TASP1: variants seen among roughly 807,000 people sequenced by gnomAD.
The protein encoded by TASP1 is taspase 1.
A neutral mutation model predicts 56.6 loss-of-function variants in TASP1; 16 were observed. The ratio of observed to expected loss-of-function variants is 0.28; its 90% CI spans 0.19 to 0.43. The LOEUF (loss-of-function observed/expected upper bound fraction) is 0.43, where lower values mean the gene tolerates loss of function less well. Among genes scored for constraint, TASP1 ranks in the 20% least tolerant of loss-of-function variants. TASP1 has a pLI of 1.00. For missense variants in TASP1, 393 were observed against 511.6 expected, an observed-to-expected ratio of 0.77 and a Z score of 2.24; for synonymous variants, 179 against 184.2, an observed-to-expected ratio of 0.97 and a Z score of 0.23.
chr20:13,491,231 A>G (rs545393816), intron 10 of TASP1, among the ~76,000 whole-genome samples: 5 of 152,332 alleles, frequency 3.3e-5, no homozygotes, highest in Admixed American at 2.0e-4. Flanking sequence ...GGCAGGAAAC[A>G]TTTTAACTTG....
intron 10 of TASP1, among the ~76,000 whole-genome samples, chr20:13,496,711 T>A (rs1426216139): frequency 6.6e-6 from 1 of 152,154 alleles, no homozygotes; most frequent in Non-Finnish European, 1.5e-5. Flanking sequence ...CTAAATCCTC[T>A]AATATGTCTC....
intron 4 of TASP1, among the ~76,000 whole-genome samples, chr20:13,621,973 C>T (rs774183763): frequency 1.2e-4 from 19 of 152,114 alleles, no homozygotes; most frequent in Non-Finnish European, 2.2e-4. Context: ...GTAAAGGTAA[C>T]ATTTGGTGGT....
the TASP1 span, chr20:13,167,331 C>T: frequency 6.9e-6 from 1 of 145,706 alleles, no homozygotes; most frequent in African/African-American, 2.5e-5. Flanking sequence ...TTACCCTCTA[C>T]ATCACCGCCC....
the TASP1 span, chr20:13,288,726 C>T: frequency 6.4e-7 from 1 of 1,558,406 alleles, no homozygotes; most frequent in Non-Finnish European, 8.7e-7. Context: ...AAGGGGAAAG[C>T]TTTTTAATTT....
At chr20:13,155,015 T>C in the TASP1 span, among the ~76,000 whole-genome samples, 1 of 152,046 alleles carries the variant, frequency 6.6e-6, no homozygotes, top group Admixed American at 6.5e-5. Flanking sequence ...ACCCTGTCTC[T>C]ACTAAAAATA....
the TASP1 span, among the ~76,000 whole-genome samples, chr20:13,361,209 T>C: frequency 6.6e-6 from 1 of 152,142 alleles, no homozygotes; most frequent in Admixed American, 6.5e-5. Flanking sequence ...ATAACTAAAA[T>C]ACCTCTTAGT....
At chr20:13,572,672 T>G (rs2046758754) in intron 6 of TASP1, among the ~76,000 whole-genome samples, 1 of 112,184 alleles carries the variant, frequency 8.9e-6, no homozygotes, top group Non-Finnish European at 1.7e-5. Flanking sequence ...GGTGACAGAG[T>G]GAGACTCCAT....
At chr20:13,535,956 T>C (rs1398604796) in intron 8 of TASP1, among the ~76,000 whole-genome samples, 1 of 152,208 alleles carries the variant, frequency 6.6e-6, no homozygotes, top group Non-Finnish European at 1.5e-5. Context: ...GGAAATGCAT[T>C]AAAAACATTT....
At chr20:13,464,105 G>A (rs75402194) in intron 11 of TASP1, among the ~76,000 whole-genome samples, 5,696 of 152,222 alleles carry the variant, frequency 0.037, 134 homozygotes, top group African/African-American at 0.059. Context: ...AACGGCCACA[G>A]GCTAAATTGT....
At chr20:13,288,268 G>A in the TASP1 span, among the ~76,000 whole-genome samples, 50 of 152,208 alleles carry the variant, frequency 3.3e-4, 1 homozygote, top group Admixed American at 2.6e-4. Flanking sequence ...ACCCCATGCT[G>A]TGCAAATGTA....
the TASP1 span, among the ~76,000 whole-genome samples, chr20:13,263,238 G>T: frequency 6.6e-6 from 1 of 152,258 alleles, no homozygotes. Context: ...AGCAGCAGCT[G>T]GTCAGCCTTG....
intron 4 of TASP1, among the ~76,000 whole-genome samples, chr20:13,607,503 T>A (rs1253963617): frequency 1.3e-5 from 2 of 152,210 alleles, no homozygotes; most frequent in African/African-American, 4.8e-5. Context: ...ATGCAAACAA[T>A]TTAGTTTTCA....
intron 4 of TASP1, among the ~76,000 whole-genome samples, chr20:13,603,956 C>T (rs936182062): frequency 2.8e-4 from 43 of 152,160 alleles, no homozygotes; most frequent in African/African-American, 9.6e-4. Flanking sequence ...TCTCCACCAT[C>T]CCCCAAGTGA....
intron 13 of TASP1, among the ~76,000 whole-genome samples, chr20:13,397,116 T>C (rs982882615): frequency 2.6e-5 from 4 of 152,244 alleles, no homozygotes; most frequent in African/African-American, 9.6e-5. Flanking sequence ...GTAACTATTA[T>C]TTCACCACTC....
chr20:13,559,358 C>T (rs2147071086), intron 7 of TASP1, among the ~76,000 whole-genome samples: 1 of 152,172 alleles, frequency 6.6e-6, no homozygotes, highest in African/African-American at 2.4e-5. Flanking sequence ...AGATACTACC[C>T]TCAGGGCATC....
chr20:13,321,256 A>ATT, the TASP1 span, among the ~76,000 whole-genome samples: 27 of 142,682 alleles, frequency 1.9e-4, no homozygotes, highest in African/African-American at 6.1e-4. Flanking sequence ...CCCCACATAA[A>ATT]AAAAAAAAAA....
chr20:13,522,443 G>A (rs2044800409), intron 10 of TASP1, among the ~76,000 whole-genome samples: 1 of 152,084 alleles, frequency 6.6e-6, no homozygotes, highest in Non-Finnish European at 1.5e-5. Flanking sequence ...TCAGAGAGGA[G>A]AGTAAACAAA....
the TASP1 span, among the ~76,000 whole-genome samples, chr20:13,142,554 G>A: frequency 6.6e-6 from 1 of 152,210 alleles, no homozygotes; most frequent in East Asian, 1.9e-4. Context: ...GGGCTAGAGA[G>A]ATTGTATTTG....
At chr20:13,509,154 T>TGTGC (rs2044237099) in intron 10 of TASP1, among the ~76,000 whole-genome samples, 2 of 151,848 alleles carry the variant, frequency 1.3e-5, no homozygotes, top group African/African-American at 4.8e-5. Context: ...TGTGTGTGTG[T>TGTGC]GTGTGTGTGA....
Sources: gnomAD v4.1 joint callset for allele counts (sites outside exome capture counted in the v4.1 genomes callset) on GRCh38, gnomAD v4.1.1 for gene constraint, MANE v1.5 for transcripts, NCBI Gene and HGNC (gene_info 2026-07-23, HGNC 2026-07-21) for gene names.